The following NMT2 variants were observed in gnomAD, a reference collection of about 807,000 sequenced individuals.
NMT2 encodes the protein glycylpeptide N-tetradecanoyltransferase 2.
A neutral mutation model predicts 65.4 loss-of-function variants in NMT2; 35 were observed. The ratio of observed to expected loss-of-function variants is 0.54; its 90% CI spans 0.41 to 0.71. NMT2 has a LOEUF of 0.71. Among genes scored for constraint, NMT2 ranks in the 30% least tolerant of loss-of-function variants. The probability of loss-of-function intolerance (pLI) is 0.00; values close to 1 mark genes in which losing one functional copy is unlikely to be tolerated. For missense variants in NMT2, 489 were observed against 611.3 expected (o/e 0.80, Z 2.11); for synonymous variants, 226 against 231.8 (o/e 0.98, Z 0.23).
chr10:15,131,682 C>T (rs756597431), intron 6 of NMT2, among the ~76,000 whole-genome samples: 12 of 152,228 alleles, frequency 7.9e-5, no homozygotes, highest in Non-Finnish European at 1.2e-4. Flanking sequence ...ACAAAATATT[C>T]CTTGAGATCA....
intron 1 of NMT2, among the ~76,000 whole-genome samples, chr10:15,147,210 C>T (rs1846998063): frequency 6.7e-6 from 1 of 149,318 alleles, no homozygotes; most frequent in South Asian, 2.1e-4. Flanking sequence ...TATCAGGTAC[C>T]ACCAGAGGGA....
chr10:15,135,192 T>TGTTGTGG (rs1564574009), intron 3 of NMT2, 82 bp downstream of exon 3: 7 of 1,247,802 alleles, frequency 5.6e-6, no homozygotes, highest in African/African-American at 1.5e-5. Context: ...CTCTTTGTGT[T>TGTTGTGG]TTGTTGTTGT....
At chr10:15,145,789 A>G (rs1398176806) in intron 1 of NMT2, among the ~76,000 whole-genome samples, 1 of 152,192 alleles carries the variant, frequency 6.6e-6, no homozygotes, top group Non-Finnish European at 1.5e-5. Flanking sequence ...GGATGATGTT[A>G]TGGCCAGAGC....
intron 1 of NMT2, among the ~76,000 whole-genome samples, chr10:15,164,789 T>A (rs927728265): frequency 2.0e-5 from 3 of 152,124 alleles, no homozygotes; most frequent in Non-Finnish European, 4.4e-5. Context: ...CCCAGCACTT[T>A]GGGAGGCCGA....
At chr10:15,132,209 G>A (rs1245539513) in intron 6 of NMT2, among the ~76,000 whole-genome samples, 2 of 152,062 alleles carry the variant, frequency 1.3e-5, no homozygotes, top group Admixed American at 6.6e-5. Context: ...GAGCATGTAT[G>A]AGATTGAGAG....
chr10:15,158,859 T>C (rs548039412), intron 1 of NMT2, among the ~76,000 whole-genome samples: 1 of 152,304 alleles, frequency 6.6e-6, no homozygotes, highest in South Asian at 2.1e-4. Flanking sequence ...CACTGGACTC[T>C]ATCTCTTTAT....
Position 15,133,250 on chromosome 10 carries a change from C to G in NMT2, c.505G>C (p.Glu169Gln), listed in dbSNP as rs756100960. ...AGAGGTTTTTACTCACTCACCACTTCGGCATCACTCAAGTCTAAAGTGTCC... is the reference window on the plus strand; with the variant it reads ...AGAGGTTTTTACTCACTCACCACTTGGGCATCACTCAAGTCTAAAGTGTCC... ...MWDTLDLSDA[E>Q]VLKELYTLLN... is the part of the protein sequence containing the mutation. Residue 169 changes from glutamate (E) to glutamine (Q), a missense_variant, in exon 4 of 12, where the codon GAA becomes CAA. Transcript: ENST00000378165. The G allele has an allele frequency of 1.4e-5, 22 of 1,612,838 alleles. No individual in the cohort carries two copies. Among genetic ancestry groups the G allele is most frequent in the Non-Finnish European group, 1.9e-5 (22 of 1,178,930 alleles).
At position 15,109,038 on chromosome 10, in the gene NMT2, A is replaced by G. The variant is rs1176607653; in HGVS notation, c.*157T>C. ...AGTTTAACATTCTAGCTAGAAACGT[A>G]CAAATGTCACATGTGGACTTTTGTC... On this transcript the variant is annotated 3_prime_UTR_variant, in exon 12 of 12. Transcript: ENST00000378165. 3 of 1,477,510 alleles carry G rather than the reference A, an allele frequency of 2.0e-6. No homozygotes were observed. Among genetic ancestry groups the G allele is most frequent in the Non-Finnish European group, 2.7e-6 (3 of 1,123,558 alleles). The allele number at this position is 1,477,510 out of a possible 1,614,324, so 91.5% of individuals were successfully genotyped here. A position where few individuals can be genotyped will look rare whatever the true frequency, so the allele number is the denominator to read the frequency against.
chr10:15,127,818 G>A (rs543356521), intron 8 of NMT2, among the ~76,000 whole-genome samples: 7 of 151,014 alleles, frequency 4.6e-5, no homozygotes, highest in African/African-American at 1.7e-4. Context: ...TGGGAGAATC[G>A]CTTGAACCCG....
At chr10:15,160,827 C>CATGGTAATAGA (rs1564593506) in intron 1 of NMT2, among the ~76,000 whole-genome samples, 1 of 151,724 alleles carries the variant, frequency 6.6e-6, no homozygotes, top group Admixed American at 6.6e-5. Context: ...GACATGGAAA[C>CATGGTAATAGA]CCTTTGGTAA....
rs150411661 is a variant in NMT2 at position 15,140,866 on chromosome 10, C to T, written c.246+556G>A. 7.6e-4 allele frequency: 700 copies of T among 918,122 alleles called. 3 individuals carry two copies. The African/African-American group carries it at 0.01, about 13-fold the overall frequency. The allele number at this position is 918,122 out of a possible 1,614,324, so 56.9% of individuals were successfully genotyped here. On this transcript the variant is annotated intron_variant, in intron 2 of 11. Transcript: ENST00000378165. ...CACCATCTGCCAACACGGGGCCCAGCTGGACAACTTCTGGTTTGGTTTAAA... is the reference window on the plus strand; with the variant it reads ...CACCATCTGCCAACACGGGGCCCAGTTGGACAACTTCTGGTTTGGTTTAAA...
chr10:15,160,134 G>A (rs953353778), intron 1 of NMT2, among the ~76,000 whole-genome samples: 1 of 152,170 alleles, frequency 6.6e-6, no homozygotes, highest in African/African-American at 2.4e-5. Flanking sequence ...TCCTCTTGGT[G>A]AACAATGATG....
rs758363852 is a variant in NMT2 at position 15,154,976 on chromosome 10, G to T, written c.111-13419C>A. The stretch of plus-strand genomic sequence containing the variant: ...AGATGAAAATCTGGGAATCGTTTGT[G>T]TTGGGTCCAGCATTTGCCATGGACA... On this transcript the variant is annotated intron_variant, in intron 1 of 11. Coordinates refer to ENST00000378165, the MANE Select transcript of NMT2 (RefSeq NM_004808.3). The T allele has an allele frequency of 2.6e-6, 3 of 1,154,484 alleles. No individual in the cohort carries two copies. The Admixed American group carries it at 5.1e-5, about 20-fold the overall frequency. The allele number at this position is 1,154,484 out of a possible 1,614,324, so 71.5% of individuals were successfully genotyped here. A position where few individuals can be genotyped will look rare whatever the true frequency, so the allele number is the denominator to read the frequency against.
At position 15,136,885 on chromosome 10, in the gene NMT2, C is replaced by T. The variant is rs540568381; in HGVS notation, c.247-1467G>A. On this transcript the variant is annotated intron_variant, in intron 2 of 11. Coordinates refer to ENST00000378165, the MANE Select transcript of NMT2 (RefSeq NM_004808.3). ...TAATAATACATGGAACATGAGACTA[C>T]TTGAAATGAGAAGACAGCGCAGAGG... Among the ~76,000 whole-genome samples, 38 of 150,358 alleles carry T rather than the reference C, an allele frequency of 2.5e-4. No individual in the cohort carries two copies. The Middle Eastern group carries it at 0.014, about 54-fold the overall frequency.
chr10:15,134,703 T>G (rs1289122422), intron 3 of NMT2, among the ~76,000 whole-genome samples: 1 of 152,090 alleles, frequency 6.6e-6, no homozygotes, highest in Non-Finnish European at 1.5e-5. Context: ...TCTAATGGGC[T>G]AGGTGCGGTG....
chr10:15,114,343 C>T (rs1210408959), intron 9 of NMT2, among the ~76,000 whole-genome samples: 1 of 152,182 alleles, frequency 6.6e-6, no homozygotes, highest in East Asian at 1.9e-4. Flanking sequence ...ACTGTTTCCT[C>T]TCTTGCTGTT....
At chr10:15,142,336 T>C (rs964534941) in intron 1 of NMT2, among the ~76,000 whole-genome samples, 1 of 151,990 alleles carries the variant, frequency 6.6e-6, no homozygotes, top group African/African-American at 2.4e-5. Flanking sequence ...GGCAGGTGGA[T>C]AGCTTGAGCC....
rs1276240426 is a variant in NMT2, at chr10:15,133,593, C to CT, written c.392-231dup. Among the ~76,000 whole-genome samples the CT allele has an allele frequency of 2.6e-5, 4 of 151,966 alleles. No individual in the cohort carries two copies. In the South Asian group the frequency reaches 8.3e-4, roughly 32 times the overall value. Reference sequence around the variant, plus strand: ...CTGTTTCACCAATTATTTTTCTTTTCTTTTTTCTTTTGAGACGGGGTCTCA... The same window carrying CT: ...CTGTTTCACCAATTATTTTTCTTTTCTTTTTTTCTTTTGAGACGGGGTCTCA... On this transcript the variant is annotated intron_variant, in intron 3 of 11. Coordinates refer to ENST00000378165, the MANE Select transcript of NMT2 (RefSeq NM_004808.3).
chr10:15,147,095 C>CAA lies in NMT2; in HGVS notation c.111-5540_111-5539dup, dbSNP rs34668178. On this transcript the variant is annotated intron_variant, in intron 1 of 11. Coordinates refer to ENST00000378165, the MANE Select transcript of NMT2 (RefSeq NM_004808.3). ...CAACAGCGAAAGATCCTCTCGCTCT[C>CAA]AAAAAAAAAAAAAAAAAAAAAAAAA... 1.7e-3 allele frequency among the ~76,000 whole-genome samples: 76 copies of CAA among 44,516 alleles called. 12 individuals carry two copies. The highest frequency in any genetic ancestry group is 3.3e-3 in the East Asian group (3 of 908). 29.2% of individuals were successfully genotyped at this position (44,516 alleles called of 152,430 possible).
Sources: gnomAD v4.1 joint callset for allele counts (sites outside exome capture counted in the v4.1 genomes callset) on GRCh38, gnomAD v4.1.1 for gene constraint, MANE v1.5 for transcripts, NCBI Gene and HGNC (gene_info 2026-07-23, HGNC 2026-07-21) for gene names.